The following ASH1L variants were observed in gnomAD, a reference collection of about 807,000 sequenced individuals.
ASH1L encodes the protein histone-lysine N-methyltransferase ASH1L.
In ASH1L, 23 loss-of-function variants were observed where a neutral mutation model predicts 269.0. The observed-to-expected ratio is 0.09, with a 90% CI of 0.06 to 0.12. The LOEUF (loss-of-function observed/expected upper bound fraction) is 0.12. Among genes scored for constraint, ASH1L ranks in the 10% least tolerant of loss-of-function variants. The probability of loss-of-function intolerance (pLI) is 1.00; values close to 1 mark genes in which losing one functional copy is unlikely to be tolerated. For synonymous variants in ASH1L, 1,187 were observed against 1,253.5 expected (o/e 0.95, Z 1.12); for missense variants, 2,912 against 3,567.8 (o/e 0.82, Z 4.68).
intron 2 of ASH1L, among the ~76,000 whole-genome samples, chr1:155,491,294 T>G (rs913643142): frequency 1.5e-4 from 23 of 152,136 alleles, no homozygotes; most frequent in African/African-American, 5.3e-4. Context: ...AAATTTTTAT[T>G]AAAAAGTGAA....
chr1:155,526,038 A>G (rs1033913866), intron 1 of ASH1L, among the ~76,000 whole-genome samples: 1 of 151,906 alleles, frequency 6.6e-6, no homozygotes, highest in Admixed American at 6.6e-5. Context: ...ATTTTTTCTA[A>G]TATTTTTCAT....
intron 1 of ASH1L, among the ~76,000 whole-genome samples, chr1:155,538,906 T>C (rs967134992): frequency 5.3e-5 from 8 of 152,118 alleles, no homozygotes; most frequent in Non-Finnish European, 1.0e-4. Flanking sequence ...CTTTACAAAG[T>C]TTAATCCTCC....
chr1:155,446,766 C>T (rs548912792), intron 4 of ASH1L, among the ~76,000 whole-genome samples: 2 of 151,320 alleles, frequency 1.3e-5, no homozygotes, highest in African/African-American at 2.4e-5. Context: ...GGACTTCAGG[C>T]GCCCGCCACC....
At position 155,448,965 on chromosome 1, in the gene ASH1L, C is replaced by T. The variant is rs1389103271; in HGVS notation, c.5087-9897G>A. ...GTGTTTTTTTTTTTAAACGGAGTCT[C>T]GCTTTGTTGCCAGGCTGGAGTGCAG... On this transcript the variant is annotated intron_variant, in intron 4 of 27. Transcript: ENST00000392403. Among the ~76,000 whole-genome samples the T allele has an allele frequency of 6.6e-5, 10 of 151,484 alleles. No homozygotes were observed. The East Asian group carries it at 7.8e-4, about 12-fold the overall frequency.
chr1:155,489,734 G>A (rs559299044), intron 2 of ASH1L, among the ~76,000 whole-genome samples: 1 of 150,768 alleles, frequency 6.6e-6, no homozygotes, highest in Admixed American at 6.6e-5. Flanking sequence ...CTCCAGCCTG[G>A]GCAACAGAGG....
At chr1:155,562,950 C>A, upstream of ASH1L, 1 of 457,558 alleles carries the variant, frequency 2.2e-6, no homozygotes, top group South Asian at 1.5e-5. Context: ...CAATCCCCCC[C>A]GCGGGACTGT....
At chr1:155,530,509 T>C (rs1669596794) in intron 1 of ASH1L, among the ~76,000 whole-genome samples, 1 of 151,698 alleles carries the variant, frequency 6.6e-6, no homozygotes, top group South Asian at 2.1e-4. Flanking sequence ...GCAGATCACT[T>C]GAGGTCAGGA....
chr1:155,545,653 T>C (rs1670758834), intron 1 of ASH1L, among the ~76,000 whole-genome samples: 1 of 151,614 alleles, frequency 6.6e-6, no homozygotes, highest in Admixed American at 6.6e-5. Context: ...AAATTATATA[T>C]ACACATATAT....
Position 155,478,582 on chromosome 1 carries a change from C to G in ASH1L, c.4288G>C (p.Gly1430Arg). 6.2e-7 allele frequency: 1 copy of G among 1,613,964 alleles called. No homozygotes were observed. The highest frequency in any genetic ancestry group is 1.1e-5 in the South Asian group (1 of 91,074). Residue 1430 changes from glycine to arginine, a missense_variant, in exon 3 of 28, where the codon GGT becomes CGT. Gly to Arg is a moderately radical substitution (Grantham distance 125). Transcript: ENST00000392403. The surrounding 1 kb of genome is among the most constrained non-coding windows in gnomAD (Gnocchi z 4.6). ...TTGGCAGGATTGAGAAGTAAATGAC[C>G]AGCATGCATATAGGAAGGAGGTGGA... Reference protein sequence around the residue: ...PLPPPSYMHAGHLLLNPAKYH... With the variant: ...PLPPPSYMHARHLLLNPAKYH...
intron 13 of ASH1L, among the ~76,000 whole-genome samples, chr1:155,358,520 C>T (rs912671338): frequency 6.6e-6 from 1 of 151,786 alleles, no homozygotes; most frequent in African/African-American, 2.4e-5. Context: ...CCAGTCTCTA[C>T]TAAAAAAAAT....
At position 155,484,970 on chromosome 1, in the gene ASH1L, A is replaced by T. The variant is rs1258922444; in HGVS notation, c.421-2521T>A. ...AAAAACAAAAACAAAAACAAAAACC[A>T]ACCAACCACCCGGTGCAGTGGCTCA... On this transcript the variant is annotated intron_variant, in intron 2 of 27. Transcript: ENST00000392403. 3.5e-5 allele frequency among the ~76,000 whole-genome samples: 5 copies of T among 142,206 alleles called. No homozygotes were observed. The East Asian group carries it at 8.5e-4, about 24-fold the overall frequency. The allele number at this position is 142,206 out of a possible 152,430, so 93.3% of individuals were successfully genotyped here.
rs972867584 is a variant in ASH1L at position 155,495,180 on chromosome 1, G to C, written c.421-12731C>G. ...AAAAAGTAAGTAAAGAATAGCAAGG[G>C]AAACAGTGAAGTGGGGTGACAGCTA... On this transcript the variant is annotated intron_variant, in intron 2 of 27. Transcript: ENST00000392403. Among the ~76,000 whole-genome samples the C allele has an allele frequency of 5.3e-5, 8 of 152,286 alleles. 1 individual carries two copies. The South Asian group carries it at 8.3e-4, about 16-fold the overall frequency.
At chr1:155,502,909 T>A (rs1667603266) in intron 2 of ASH1L, among the ~76,000 whole-genome samples, 1 of 152,236 alleles carries the variant, frequency 6.6e-6, no homozygotes, top group Non-Finnish European at 1.5e-5. Flanking sequence ...TTACCAAGTA[T>A]GCTTAGGAGA....
intron 6 of ASH1L, chr1:155,395,988 A>C: frequency 6.5e-6 from 1 of 152,946 alleles, no homozygotes; most frequent in East Asian, 1.9e-4. Context: ...AAGATGCTCT[A>C]TAAGACTGAG....
At chr1:155,348,222 T>C (rs1653538687) in intron 19 of ASH1L, among the ~76,000 whole-genome samples, 1 of 152,196 alleles carries the variant, frequency 6.6e-6, no homozygotes, top group Non-Finnish European at 1.5e-5. Context: ...TAATGTACTG[T>C]AGAAGTTCAA....
chr1:155,536,349 C>T (rs1431535590), intron 1 of ASH1L, among the ~76,000 whole-genome samples: 1 of 152,058 alleles, frequency 6.6e-6, no homozygotes, highest in Non-Finnish European at 1.5e-5. Context: ...GACAGGAAGC[C>T]ATCAAAATGG....
chr1:155,535,202 A>T (rs1232010177), intron 1 of ASH1L, among the ~76,000 whole-genome samples: 1 of 152,038 alleles, frequency 6.6e-6, no homozygotes, highest in African/African-American at 2.4e-5. Context: ...AAAAAAAAAA[A>T]AAAGTAAAAT....
At chr1:155,375,555 G>A (rs1656358439) in intron 10 of ASH1L, among the ~76,000 whole-genome samples, 1 of 152,106 alleles carries the variant, frequency 6.6e-6, no homozygotes. Flanking sequence ...GGGAGGCTGA[G>A]GCAAGAGGAT....
intron 1 of ASH1L, among the ~76,000 whole-genome samples, chr1:155,545,570 A>G (rs1008193681): frequency 6.6e-6 from 1 of 151,912 alleles, no homozygotes; most frequent in Non-Finnish European, 1.5e-5. Context: ...AAAATTATGA[A>G]TGATTACACA....
Sources: allele counts gnomAD v4.1 joint callset (sites outside exome capture counted in the v4.1 genomes callset), GRCh38; gene constraint gnomAD v4.1.1; non-coding constraint Gnocchi (gnomAD v3.1); transcripts MANE v1.5; gene names NCBI Gene and HGNC (gene_info 2026-07-23, HGNC 2026-07-21).